The following SMPD3 variants were observed in gnomAD, a reference collection of about 807,000 sequenced individuals.
SMPD3 encodes the protein nSMase-2.
In SMPD3, 21 loss-of-function variants were observed where a neutral mutation model predicts 55.7. The ratio of observed to expected loss-of-function variants is 0.38; its 90% confidence interval spans 0.27 to 0.54. The LOEUF is 0.54. SMPD3 is among the 20% of genes least tolerant of loss of function. SMPD3 has a pLI of 0.80. For synonymous variants in SMPD3, 457 were observed against 404.3 expected, an observed-to-expected ratio of 1.13 and a Z score of -1.56; for missense variants, 842 against 899.6, an observed-to-expected ratio of 0.94 and a Z score of 0.82.
chr16:68,378,636 C>T (rs931142984), intron 2 of SMPD3, among the ~76,000 whole-genome samples: 12 of 151,270 alleles, frequency 7.9e-5, no homozygotes, highest in Non-Finnish European at 1.0e-4. Flanking sequence ...GATGGAGCTC[C>T]AAGTCTCGGC....
chr16:68,397,569 G>C (rs139847121), intron 1 of SMPD3, among the ~76,000 whole-genome samples: 47 of 152,244 alleles, frequency 3.1e-4, no homozygotes, highest in African/African-American at 1.1e-3. Flanking sequence ...TACCCTCCCC[G>C]CTGAGAACTC....
intron 1 of SMPD3, among the ~76,000 whole-genome samples, chr16:68,425,409 G>T (rs535467733): frequency 6.6e-6 from 1 of 152,308 alleles, no homozygotes; most frequent in African/African-American, 2.4e-5. Flanking sequence ...ATGGTTCCAA[G>T]GTTTCACATG....
intron 1 of SMPD3, among the ~76,000 whole-genome samples, chr16:68,442,718 G>A (rs2152035801): frequency 6.6e-6 from 1 of 152,318 alleles, no homozygotes; most frequent in East Asian, 1.9e-4. Flanking sequence ...TGGCTGCCTA[G>A]AGACCCCCAC....
rs1196895518 is a variant in SMPD3, at chr16:68,447,643, G to C, written c.-269+710C>G. Among the ~76,000 whole-genome samples, 1 of 152,212 alleles carries C rather than the reference G, an allele frequency of 6.6e-6. No individual in the cohort carries two copies. Among genetic ancestry groups the C allele is most frequent in the Admixed American group, 6.5e-5 (1 of 15,292 alleles). On this transcript the variant is annotated intron_variant, in intron 1 of 8. Transcript: ENST00000219334. The surrounding 1 kb of genome is among the most constrained non-coding windows in gnomAD (Gnocchi z 5.1). ...TGCTTTCCTCCACCCGCGACTCCGA[G>C]AAGGATGGGGAGGGGTCTCCCAGCG...
intron 1 of SMPD3, among the ~76,000 whole-genome samples, chr16:68,429,978 A>G (rs1268678802): frequency 6.6e-6 from 1 of 152,144 alleles, no homozygotes; most frequent in Non-Finnish European, 1.5e-5. Flanking sequence ...CCCCTCTTTG[A>G]AAGTTTAGGA....
chr16:68,438,846 C>T (rs2152033826), intron 1 of SMPD3, among the ~76,000 whole-genome samples: 1 of 152,274 alleles, frequency 6.6e-6, no homozygotes, highest in South Asian at 2.1e-4. Context: ...ACCAGAGAAG[C>T]AGTGATCTCA....
At chr16:68,425,959 G>T (rs1401346423) in intron 1 of SMPD3, among the ~76,000 whole-genome samples, 1 of 152,218 alleles carries the variant, frequency 6.6e-6, no homozygotes, top group Non-Finnish European at 1.5e-5. Context: ...TGTGGAGGAT[G>T]CTAAGGGAGC....
chr16:68,384,746 C>G (rs917672376), intron 2 of SMPD3, among the ~76,000 whole-genome samples: 1 of 152,080 alleles, frequency 6.6e-6, no homozygotes, highest in Non-Finnish European at 1.5e-5. Context: ...CTTGTGCCCC[C>G]CACTCCCCCC....
chr16:68,426,938 C>T (rs1362615002), intron 1 of SMPD3, among the ~76,000 whole-genome samples: 1 of 151,590 alleles, frequency 6.6e-6, no homozygotes. Flanking sequence ...ACTGAGGCTT[C>T]CTAGGTCCAC....
In SMPD3 at chr16:68,364,793, C is replaced by G. The variant is rs781282126; in HGVS notation, c.1513G>C (p.Asp505His). The change falls in exon 5 of 9, where the codon GAC becomes CAC. Residue 505 changes from aspartate to histidine, a missense_variant. Physicochemically the swap from Asp to His is moderately conservative, Grantham distance 81. Coordinates refer to ENST00000219334, the MANE Select transcript of SMPD3 (RefSeq NM_018667.4). Reference sequence around the variant, plus strand: ...AAGTTGAAATCTCCACAGACGACGTCAAATGCCACCAGCTCCTCGGGGTTG... The same window carrying G: ...AAGTTGAAATCTCCACAGACGACGTGAAATGCCACCAGCTCCTCGGGGTTG... ...AANPEELVAFDVVCGDFNFDN... is the reference protein window; with the variant it reads ...AANPEELVAFHVVCGDFNFDN... 1 of 1,613,914 alleles carries G rather than the reference C, an allele frequency of 6.2e-7. No individual in the cohort carries two copies.
intron 1 of SMPD3, among the ~76,000 whole-genome samples, chr16:68,442,675 G>C (rs1405214214): frequency 6.6e-6 from 1 of 152,220 alleles, no homozygotes; most frequent in Non-Finnish European, 1.5e-5. Context: ...TCCTGATCCT[G>C]TGTGCAAAGG....
At chr16:68,365,512 CT>C (rs1046098447) in intron 3 of SMPD3, among the ~76,000 whole-genome samples, 4 of 148,800 alleles carry the variant, frequency 2.7e-5, no homozygotes, top group African/African-American at 9.9e-5. Flanking sequence ...CTTTCTCCCC[CT>C]GAAATCTCAG....
chr16:68,428,907 TA>T (rs1419717199), intron 1 of SMPD3, among the ~76,000 whole-genome samples: 2 of 152,054 alleles, frequency 1.3e-5, no homozygotes, highest in Non-Finnish European at 2.9e-5. Context: ...TATGGTCACA[TA>T]AAAAATCCCA....
At chr16:68,402,996 A>G (rs150584878) in intron 1 of SMPD3, among the ~76,000 whole-genome samples, 46 of 152,314 alleles carry the variant, frequency 3.0e-4, no homozygotes, top group Admixed American at 6.5e-4. Context: ...TGGAGAGTGG[A>G]TTTGTACACT....
intron 1 of SMPD3, among the ~76,000 whole-genome samples, chr16:68,390,761 C>T (rs554143400): frequency 5.9e-5 from 9 of 152,298 alleles, no homozygotes; most frequent in East Asian, 1.9e-4. Flanking sequence ...TGGAGTTGCC[C>T]GGTTCAAACA....
chr16:68,413,171 G>T (rs1020219448), intron 1 of SMPD3, among the ~76,000 whole-genome samples: 3 of 152,254 alleles, frequency 2.0e-5, no homozygotes, highest in Non-Finnish European at 4.4e-5. Context: ...TTTCGGTGAT[G>T]TTTTCCAGGG....
intron 2 of SMPD3, among the ~76,000 whole-genome samples, chr16:68,379,459 T>G (rs1323964037): frequency 6.6e-6 from 1 of 152,222 alleles, no homozygotes; most frequent in Non-Finnish European, 1.5e-5. Context: ...ACGCTTATTT[T>G]TATCATTTTG....
chr16:68,367,226 C>T (rs2089508588), intron 3 of SMPD3: 2 of 152,392 alleles, frequency 1.3e-5, no homozygotes, highest in East Asian at 3.9e-4. Context: ...GCTCCTCCTC[C>T]ATGAGGATCA....
intron 1 of SMPD3, among the ~76,000 whole-genome samples, chr16:68,427,681 G>A (rs1395474490): frequency 1.3e-5 from 2 of 152,106 alleles, no homozygotes; most frequent in Admixed American, 1.3e-4. Context: ...TCAACAAGAT[G>A]ATTCTGGGTT....
Sources: allele counts gnomAD v4.1 joint callset (sites outside exome capture counted in the v4.1 genomes callset), GRCh38; gene constraint gnomAD v4.1.1; non-coding constraint Gnocchi (gnomAD v3.1); transcripts MANE v1.5; gene names NCBI Gene and HGNC (gene_info 2026-07-23, HGNC 2026-07-21).